FANCD2OS: variants seen among roughly 807,000 people sequenced by gnomAD.
FANCD2OS encodes FANCD2 opposite strand protein.
Under a neutral mutation model 13.2 loss-of-function variants are expected in FANCD2OS, and 11 were observed. That is an observed-to-expected ratio of 0.83 (90% confidence interval 0.52 to 1.38). The LOEUF is 1.38. Among genes scored for constraint, FANCD2OS ranks in the 40% most tolerant of loss-of-function variants. The probability of loss-of-function intolerance (pLI) is 0.00; values close to 1 mark genes in which losing one functional copy is unlikely to be tolerated. For synonymous variants in FANCD2OS, 69 were observed against 84.5 expected, an observed-to-expected ratio of 0.82 and a Z score of 1.01; for missense variants, 217 against 213.9, an observed-to-expected ratio of 1.01 and a Z score of -0.09.
chr3:10,095,878 A>ATTTT lies in FANCD2OS; in HGVS notation c.*43+8316_*43+8319dup, dbSNP rs397950663. ...TAAATTTATAAGGTCCTGAACAGTG[A>ATTTT]TTTTTTTTTTTTTTTTTTTTTGAGA... On this transcript the variant is annotated intron_variant, in intron 2 of 2. Transcript: ENST00000524279. Among the ~76,000 whole-genome samples, 308 of 125,750 alleles carry ATTTT rather than the reference A, an allele frequency of 2.4e-3. 3 individuals are homozygous for ATTTT. Among genetic ancestry groups the ATTTT allele is most frequent in the African/African-American group, 6.7e-3 (217 of 32,398 alleles). 82.5% of individuals were successfully genotyped at this position (125,750 alleles called of 152,430 possible). A position where few individuals can be genotyped will look rare whatever the true frequency, so the allele number is the denominator to read the frequency against.
exon 3 of FANCD2OS, chr3:10,081,475 G>T (rs1174191979): frequency 6.4e-7 from 1 of 1,557,830 alleles, no homozygotes. Context: ...GTAAGTATGT[G>T]GGAAGTGTGG....
At chr3:10,100,348 A>G (rs775627965), downstream of FANCD2OS, among the ~76,000 whole-genome samples, 2 of 152,190 alleles carry the variant, frequency 1.3e-5, no homozygotes, top group Non-Finnish European at 2.9e-5. Flanking sequence ...AGAATTTTGT[A>G]CTGGATTCCT....
At chr3:10,101,363 C>A, downstream of FANCD2OS, 3 of 682,642 alleles carry the variant, frequency 4.4e-6, no homozygotes, top group Non-Finnish European at 7.6e-6. Context: ...CTGGTAGGAT[C>A]CTTTTTTGTT....
chr3:10,083,892 A>AC (rs1694005936), intron 2 of FANCD2OS, among the ~76,000 whole-genome samples: 1 of 150,740 alleles, frequency 6.6e-6, no homozygotes, highest in African/African-American at 2.4e-5. Flanking sequence ...CGTCTCAAAA[A>AC]AAAAAAAAAA....
At chr3:10,093,833 T>G (rs921877584) in intron 2 of FANCD2OS, among the ~76,000 whole-genome samples, 1 of 152,224 alleles carries the variant, frequency 6.6e-6, no homozygotes, top group African/African-American at 2.4e-5. Flanking sequence ...TGCCCCATTC[T>G]TGTCATCTCC....
In FANCD2OS at chr3:10,090,960, G is replaced by T. The variant is rs368576184; in HGVS notation, c.*44-9429C>A. ...TTTGCCTCCTGCTAACTGGCATGAG[G>T]TAAGCCAGCCTGTTTGAGATACTGT... On this transcript the variant is annotated intron_variant, in intron 2 of 2. Coordinates refer to the FANCD2OS transcript ENST00000524279. Among the ~76,000 whole-genome samples, 140 of 151,966 alleles carry T rather than the reference G, an allele frequency of 9.2e-4. 1 individual carries two copies. In the East Asian group the frequency reaches 0.015, roughly 16 times the overall value.
intron 2 of FANCD2OS, among the ~76,000 whole-genome samples, chr3:10,096,633 A>G (rs990273727): frequency 3.3e-5 from 5 of 152,126 alleles, no homozygotes; most frequent in African/African-American, 1.2e-4. Flanking sequence ...TACATTACTC[A>G]TGGGCCCTGG....
Position 10,105,768 on chromosome 3 carries a change from AAAATTATATATAT to A in FANCD2OS, c.-8-999_-8-987del, listed in dbSNP as rs1695465760. Among the ~76,000 whole-genome samples the A allele has an allele frequency of 2.1e-4, 11 of 51,386 alleles. No individual in the cohort carries two copies. In the African/African-American group the frequency reaches 2.3e-3, roughly 11 times the overall value. 33.7% of individuals were successfully genotyped at this position (51,386 alleles called of 152,430 possible). A position where few individuals can be genotyped will look rare whatever the true frequency, so the allele number is the denominator to read the frequency against. ...TCCATCTAAAAAAAAAAAAAAAAAAAAAATTATATATATATATATATATATATATATATATATA... is the reference window on the plus strand; with the variant it reads ...TCCATCTAAAAAAAAAAAAAAAAAAAATATATATATATATATATATATATA... On this transcript the variant is annotated intron_variant, in intron 1 of 1. Transcript: ENST00000450660.
chr3:10,098,818 A>G, downstream of FANCD2OS: 1 of 1,614,208 alleles, frequency 6.2e-7, no homozygotes, highest in South Asian at 1.1e-5. Flanking sequence ...CCACTGAGGT[A>G]TCTCTACAAA....
At chr3:10,087,906 C>CA in intron 2 of FANCD2OS, among the ~76,000 whole-genome samples, 1 of 152,240 alleles carries the variant, frequency 6.6e-6, no homozygotes, top group African/African-American at 2.4e-5. Context: ...CTCAGCCTCC[C>CA]AAAGTGCTGG....
chr3:10,099,200 G>C (rs1423715130), downstream of FANCD2OS: 2 of 1,384,132 alleles, frequency 1.4e-6, no homozygotes, highest in South Asian at 1.6e-5. Context: ...AAATAGAAAT[G>C]TGAAAGCATT....
At chr3:10,101,001 A>G (rs1344611862), downstream of FANCD2OS, among the ~76,000 whole-genome samples, 1 of 152,022 alleles carries the variant, frequency 6.6e-6, no homozygotes, top group East Asian at 1.9e-4. Flanking sequence ...CCCGGGAGGC[A>G]GAGGTTGCAG....
At chr3:10,098,972 T>G, downstream of FANCD2OS, 1 of 1,614,156 alleles carries the variant, frequency 6.2e-7, no homozygotes, top group Non-Finnish European at 8.5e-7. Context: ...CTTATATAAT[T>G]TTTGGGACCC....
downstream of FANCD2OS, chr3:10,101,081 T>C (rs997329382): frequency 3.5e-6 from 3 of 856,836 alleles, no homozygotes; most frequent in South Asian, 1.5e-5. Flanking sequence ...AAAAAAAAAG[T>C]TTTAACAGTG....
At chr3:10,098,352 G>T (rs183529940), downstream of FANCD2OS, among the ~76,000 whole-genome samples, 75 of 152,172 alleles carry the variant, frequency 4.9e-4, no homozygotes, top group East Asian at 0.014. Context: ...TTTAGCCTCC[G>T]CATGGCCATT....
upstream of FANCD2OS, among the ~76,000 whole-genome samples, chr3:10,108,405 C>A (rs2125113677): frequency 6.6e-6 from 1 of 152,326 alleles, no homozygotes; most frequent in South Asian, 2.1e-4. Flanking sequence ...TCCCCGCCCC[C>A]ACCTCATTGG....
chr3:10,086,073 A>G lies in FANCD2OS; in HGVS notation c.*44-4542T>C, dbSNP rs55736797. ...TCCTCATATATGAGCTTTCTCATCTATGTATTCTGATAAATCCTGAAGTAT... is the reference window on the plus strand; with the variant it reads ...TCCTCATATATGAGCTTTCTCATCTGTGTATTCTGATAAATCCTGAAGTAT... On this transcript the variant is annotated intron_variant, in intron 2 of 2. Coordinates refer to the FANCD2OS transcript ENST00000524279. 2.4e-4 allele frequency: 162 copies of G among 672,724 alleles called. No homozygotes were observed. In the African/African-American group the frequency reaches 2.7e-3, roughly 11 times the overall value. 41.7% of individuals were successfully genotyped at this position (672,724 alleles called of 1,614,324 possible).
downstream of FANCD2OS, chr3:10,099,676 T>G (rs1695189836): frequency 6.5e-6 from 1 of 153,172 alleles, no homozygotes; most frequent in African/African-American, 2.4e-5. Flanking sequence ...GAGAATCACT[T>G]GAACCTGGGA....
At chr3:10,096,047 A>G (rs1024826884) in intron 2 of FANCD2OS, among the ~76,000 whole-genome samples, 10 of 152,216 alleles carry the variant, frequency 6.6e-5, no homozygotes, top group Admixed American at 1.3e-4. Flanking sequence ...TCAGTAAAAT[A>G]TATATTCAAG....
Sources: gnomAD v4.1 joint callset for allele counts (sites outside exome capture counted in the v4.1 genomes callset) on GRCh38, gnomAD v4.1.1 for gene constraint, MANE v1.5 for transcripts, NCBI Gene and HGNC (gene_info 2026-07-23, HGNC 2026-07-21) for gene names.